CNTNAP2: variants seen among roughly 807,000 people sequenced by gnomAD.
CNTNAP2 encodes the protein contactin-associated protein-like 2.
Under a neutral mutation model 155.2 loss-of-function variants are expected in CNTNAP2, and 98 were observed. The observed-to-expected ratio is 0.63, with a 90% CI of 0.54 to 0.75. CNTNAP2 has a LOEUF of 0.75. Ranked by LOEUF, CNTNAP2 falls within the 30% of genes least tolerant of loss-of-function variation. CNTNAP2 has a pLI of 0.00. For synonymous variants in CNTNAP2, 651 were observed against 631.2 expected, an observed-to-expected ratio of 1.03 and a Z score of -0.47; for missense variants, 1,727 against 1,688.1, an observed-to-expected ratio of 1.02 and a Z score of -0.40.
At chr7:147,602,551 C>T (rs1433427112) in intron 12 of CNTNAP2, among the ~76,000 whole-genome samples, 1 of 150,796 alleles carries the variant, frequency 6.6e-6, no homozygotes, top group African/African-American at 2.4e-5. Flanking sequence ...AGGTTAGTTA[C>T]ATATGTATAC....
chr7:146,924,808 T>C (rs2129220970), intron 3 of CNTNAP2, among the ~76,000 whole-genome samples: 1 of 152,264 alleles, frequency 6.6e-6, no homozygotes, highest in East Asian at 1.9e-4. Context: ...ATATTTGTGC[T>C]TAAGCTATTT....
intron 1 of CNTNAP2, among the ~76,000 whole-genome samples, chr7:146,167,525 T>G (rs1798329513): frequency 6.6e-6 from 1 of 152,156 alleles, no homozygotes; most frequent in Non-Finnish European, 1.5e-5. Flanking sequence ...GGACATAAAC[T>G]CAAAAGTTAT....
At chr7:146,270,368 T>A (rs1437520985) in intron 1 of CNTNAP2, among the ~76,000 whole-genome samples, 1 of 152,160 alleles carries the variant, frequency 6.6e-6, no homozygotes, top group Non-Finnish European at 1.5e-5. Flanking sequence ...TTAAGGGCAA[T>A]TGAGTGGCCC....
At chr7:146,772,204 A>G (rs1233532199) in intron 1 of CNTNAP2, among the ~76,000 whole-genome samples, 1 of 152,058 alleles carries the variant, frequency 6.6e-6, no homozygotes, top group Non-Finnish European at 1.5e-5. Flanking sequence ...CAGAAAATCA[A>G]GCAGGATGTG....
At chr7:148,205,080 A>G (rs576640599) in intron 18 of CNTNAP2, among the ~76,000 whole-genome samples, 20 of 152,336 alleles carry the variant, frequency 1.3e-4, no homozygotes, top group Non-Finnish European at 2.6e-4. Flanking sequence ...CAAACTCACA[A>G]GTGCCTCTTT....
At chr7:147,661,552 CTTCTT>C (rs1795608425) in intron 13 of CNTNAP2, among the ~76,000 whole-genome samples, 1 of 136,446 alleles carries the variant, frequency 7.3e-6, no homozygotes, top group African/African-American at 3.3e-5. Context: ...GCTTCTTCTT[CTTCTT>C]TTTTTTTTTT....
chr7:146,296,699 A>G (rs1346814680), intron 1 of CNTNAP2, among the ~76,000 whole-genome samples: 1 of 151,990 alleles, frequency 6.6e-6, no homozygotes, highest in Non-Finnish European at 1.5e-5. Context: ...TACAAACAAT[A>G]TAAATTAATT....
chr7:146,800,672 A>G (rs1802859369), intron 2 of CNTNAP2, among the ~76,000 whole-genome samples: 1 of 152,202 alleles, frequency 6.6e-6, no homozygotes, highest in South Asian at 2.1e-4. Flanking sequence ...TTTAGTTGAC[A>G]GGGGTGAACA....
chr7:146,930,553 A>G (rs189585292), intron 3 of CNTNAP2, among the ~76,000 whole-genome samples: 1 of 151,814 alleles, frequency 6.6e-6, no homozygotes, highest in Admixed American at 6.6e-5. Flanking sequence ...TAACCAGCTA[A>G]CATAATGACA....
chr7:148,040,118 G>C (rs1004933025), intron 15 of CNTNAP2, among the ~76,000 whole-genome samples: 1 of 152,072 alleles, frequency 6.6e-6, no homozygotes, highest in Non-Finnish European at 1.5e-5. Context: ...AAATTCACTT[G>C]TTGCCCTTTA....
intron 8 of CNTNAP2, among the ~76,000 whole-genome samples, chr7:147,212,080 TA>T (rs1384669090): frequency 6.6e-6 from 1 of 151,968 alleles, no homozygotes; most frequent in Non-Finnish European, 1.5e-5. Flanking sequence ...TGGCTAATAT[TA>T]AAAAGTCATA....
chr7:147,078,494 G>A (rs1296651559), intron 4 of CNTNAP2, among the ~76,000 whole-genome samples: 2 of 151,886 alleles, frequency 1.3e-5, no homozygotes, highest in Non-Finnish European at 2.9e-5. Context: ...GATTAGACAG[G>A]GAATTCTGAA....
chr7:146,612,954 A>T (rs1297452111), intron 1 of CNTNAP2, among the ~76,000 whole-genome samples: 2 of 148,566 alleles, frequency 1.3e-5, no homozygotes, highest in East Asian at 2.0e-4. Flanking sequence ...TTTTGCCACA[A>T]ACTCTTTTGT....
chr7:147,630,316 TAAAAAA>T (rs71183024), intron 12 of CNTNAP2, among the ~76,000 whole-genome samples: 742 of 73,120 alleles, frequency 0.01, 13 homozygotes, highest in African/African-American at 0.026. Context: ...GAAACAGTAG[TAAAAAA>T]AAAAAAAAAA....
chr7:147,607,966 T>C (rs190186763), intron 12 of CNTNAP2, among the ~76,000 whole-genome samples: 3 of 152,348 alleles, frequency 2.0e-5, no homozygotes, highest in African/African-American at 7.2e-5. Context: ...AGCAGGTGCC[T>C]GAAAATGAAC....
chr7:147,544,576 A>G (rs574557067), intron 11 of CNTNAP2, among the ~76,000 whole-genome samples: 1 of 152,144 alleles, frequency 6.6e-6, no homozygotes, highest in Non-Finnish European at 1.5e-5. Flanking sequence ...GGGCCACAGC[A>G]TGACTTTCAT....
intron 2 of CNTNAP2, among the ~76,000 whole-genome samples, chr7:146,795,161 G>A (rs1367994909): frequency 6.6e-6 from 1 of 152,164 alleles, no homozygotes; most frequent in Non-Finnish European, 1.5e-5. Flanking sequence ...TCATGATAAA[G>A]AGCAATCTCT....
At chr7:147,765,891 A>G (rs547351673) in intron 13 of CNTNAP2, among the ~76,000 whole-genome samples, 2 of 152,320 alleles carry the variant, frequency 1.3e-5, no homozygotes, top group South Asian at 4.1e-4. Flanking sequence ...CAGCCAAAAA[A>G]GGGAGGAAAG....
intron 3 of CNTNAP2, among the ~76,000 whole-genome samples, chr7:146,925,868 C>A (rs1180354165): frequency 1.3e-5 from 2 of 152,094 alleles, no homozygotes; most frequent in Non-Finnish European, 2.9e-5. Context: ...TCCGAACACA[C>A]TGACAATTCA....
Sources: allele counts gnomAD v4.1 joint callset (sites outside exome capture counted in the v4.1 genomes callset), GRCh38; gene constraint gnomAD v4.1.1; transcripts MANE v1.5; gene names NCBI Gene and HGNC (gene_info 2026-07-23, HGNC 2026-07-21).